FMN2: variants seen among roughly 807,000 people sequenced by gnomAD.
The protein encoded by FMN2 is formin 2.
A neutral mutation model predicts 142.3 loss-of-function variants in FMN2; 51 were observed. The ratio of observed to expected loss-of-function variants is 0.36; its 90% confidence interval spans 0.29 to 0.45. The LOEUF is 0.45. Among genes scored for constraint, FMN2 ranks in the 20% least tolerant of loss-of-function variants. The probability of loss-of-function intolerance (pLI) is 1.00; values close to 1 mark genes in which losing one functional copy is unlikely to be tolerated. For missense variants in FMN2, 1,936 were observed against 2,122.8 expected, an observed-to-expected ratio of 0.91 and a Z score of 1.73; for synonymous variants, 882 against 869.8, an observed-to-expected ratio of 1.01 and a Z score of -0.25.
At chr1:240,349,210 C>T (rs188054390) in intron 13 of FMN2, among the ~76,000 whole-genome samples, 2 of 152,304 alleles carry the variant, frequency 1.3e-5, no homozygotes. Context: ...CATTGATCTG[C>T]TTTAAGTGGC....
chr1:240,320,498 T>A lies in FMN2; in HGVS notation c.4216-8578T>A, dbSNP rs146990853. Reference sequence around the variant, plus strand: ...CTTCCTCACATATCTGAAAGAGATTTTGAAATGACCCTAGAGAGTGGACCT... The same window carrying A: ...CTTCCTCACATATCTGAAAGAGATTATGAAATGACCCTAGAGAGTGGACCT... On this transcript the variant is annotated intron_variant, in intron 8 of 17. Coordinates refer to ENST00000319653, the MANE Select transcript of FMN2 (RefSeq NM_020066.5). Among the ~76,000 whole-genome samples, 994 of 152,274 alleles carry A rather than the reference T, an allele frequency of 6.5e-3. 11 individuals are homozygous for A. Among genetic ancestry groups the A allele is most frequent in the African/African-American group, 0.023 (941 of 41,558 alleles).
intron 14 of FMN2, among the ~76,000 whole-genome samples, chr1:240,363,034 T>C (rs190596036): frequency 6.6e-6 from 1 of 152,344 alleles, no homozygotes; most frequent in East Asian, 1.9e-4. Context: ...AAACCTCAGC[T>C]CTTAAATATA....
chr1:240,214,378 C>T (rs909592079), intron 6 of FMN2, among the ~76,000 whole-genome samples: 10 of 151,596 alleles, frequency 6.6e-5, no homozygotes, highest in East Asian at 3.9e-4. Context: ...GTAGAAACCC[C>T]GTCTCTACTA....
intron 2 of FMN2, among the ~76,000 whole-genome samples, chr1:240,155,519 G>A (rs1028797114): frequency 2.0e-5 from 3 of 152,104 alleles, no homozygotes; most frequent in African/African-American, 4.8e-5. Context: ...GGCCTCAAGT[G>A]TTCCTCCTGC....
At chr1:240,383,386 G>A (rs1309606142) in intron 14 of FMN2, among the ~76,000 whole-genome samples, 1 of 152,092 alleles carries the variant, frequency 6.6e-6, no homozygotes, top group Non-Finnish European at 1.5e-5. Flanking sequence ...TTAGTATCAA[G>A]AATCCACAAG....
At chr1:240,277,071 C>A in intron 7 of FMN2, among the ~76,000 whole-genome samples, 1 of 152,112 alleles carries the variant, frequency 6.6e-6, no homozygotes, top group African/African-American at 2.4e-5. Flanking sequence ...GGAACATAAA[C>A]AATAGCGGCT....
chr1:240,454,196 T>TC (rs1676152567), intron 16 of FMN2, among the ~76,000 whole-genome samples: 1 of 152,188 alleles, frequency 6.6e-6, no homozygotes, highest in Non-Finnish European at 1.5e-5. Context: ...GTTTTCTCTT[T>TC]TTTGTCTCCA....
At chr1:240,383,867 A>G (rs1226035444) in intron 14 of FMN2, among the ~76,000 whole-genome samples, 2 of 150,246 alleles carry the variant, frequency 1.3e-5, no homozygotes, top group African/African-American at 2.5e-5. Flanking sequence ...ATCACAACAG[A>G]TGACTGGAGA....
chr1:240,200,344 A>G (rs1050297182), intron 4 of FMN2, among the ~76,000 whole-genome samples: 1 of 152,184 alleles, frequency 6.6e-6, no homozygotes, highest in African/African-American at 2.4e-5. Context: ...AAAGAAAACA[A>G]CCTATATTAG....
In FMN2 at chr1:240,473,931, C is replaced by T. The variant is rs778910357; in HGVS notation, c.5143-197C>T. ...TTTTTTTTTTCTCAAAAGTATTTGGCGATTTGTCTTGATAAAAGTGCTCAA... is the reference window on the plus strand; with the variant it reads ...TTTTTTTTTTCTCAAAAGTATTTGGTGATTTGTCTTGATAAAAGTGCTCAA... On this transcript the variant is annotated intron_variant, in intron 17 of 17. Coordinates refer to ENST00000319653, the MANE Select transcript of FMN2 (RefSeq NM_020066.5). The surrounding 1 kb of genome is among the most constrained non-coding windows in gnomAD (Gnocchi z 4.3). Among the ~76,000 whole-genome samples the T allele has an allele frequency of 1.0e-4, 15 of 149,370 alleles. No homozygotes were observed. The highest frequency in any genetic ancestry group is 6.5e-4 in the South Asian group (3 of 4,622).
chr1:240,102,996 C>G (rs1661466229), intron 1 of FMN2, among the ~76,000 whole-genome samples: 1 of 151,904 alleles, frequency 6.6e-6, no homozygotes, highest in Admixed American at 6.6e-5. Context: ...TCCCGAGTAG[C>G]TGGGACTATA....
chr1:240,186,826 A>T (rs182681792), intron 3 of FMN2, among the ~76,000 whole-genome samples: 1 of 152,336 alleles, frequency 6.6e-6, no homozygotes, highest in Admixed American at 6.5e-5. Context: ...GTGGAGACAG[A>T]TTCTCATCTG....
chr1:240,235,152 C>T (rs1002168243), intron 6 of FMN2, among the ~76,000 whole-genome samples: 8 of 152,036 alleles, frequency 5.3e-5, no homozygotes, highest in Non-Finnish European at 1.0e-4. Flanking sequence ...GCTTCTAATT[C>T]AAAAATGAGA....
intron 14 of FMN2, among the ~76,000 whole-genome samples, chr1:240,371,026 C>T (rs994369637): frequency 3.3e-5 from 5 of 152,202 alleles, no homozygotes; most frequent in Non-Finnish European, 7.3e-5. Flanking sequence ...GCAACCTCCG[C>T]CTCCTGGGTT....
chr1:240,239,022 A>ATACAATGATCTGAGTGATAGT (rs1667801919), intron 6 of FMN2, among the ~76,000 whole-genome samples: 1 of 152,184 alleles, frequency 6.6e-6, no homozygotes, highest in Non-Finnish European at 1.5e-5. Flanking sequence ...ATAATGTCCT[A>ATACAATGATCTGAGTGATAGT]TACAATGATC....
intron 13 of FMN2, among the ~76,000 whole-genome samples, chr1:240,339,238 A>G (rs1671666932): frequency 2.0e-5 from 3 of 152,160 alleles, no homozygotes; most frequent in Admixed American, 2.0e-4. Flanking sequence ...AGATCAACAG[A>G]TCACAAAAAG....
intron 3 of FMN2, among the ~76,000 whole-genome samples, chr1:240,187,288 A>G (rs1011642505): frequency 1.0e-3 from 144 of 137,360 alleles, no homozygotes; most frequent in Non-Finnish European, 1.2e-3. Flanking sequence ...AAAAAAAAAA[A>G]AAAGAAAAGA....
chr1:240,396,536 T>C (rs1673784422), intron 15 of FMN2, among the ~76,000 whole-genome samples: 1 of 152,046 alleles, frequency 6.6e-6, no homozygotes, highest in Non-Finnish European at 1.5e-5. Context: ...CACTGAGGCT[T>C]AGAATCTAAA....
intron 14 of FMN2, among the ~76,000 whole-genome samples, chr1:240,391,575 C>CT (rs1339412804): frequency 5.3e-5 from 8 of 151,458 alleles, no homozygotes; most frequent in East Asian, 1.9e-4. Context: ...TTACATTTTA[C>CT]TTTTTTTTTG....
Sources: gnomAD v4.1 joint callset for allele counts (sites outside exome capture counted in the v4.1 genomes callset) on GRCh38, gnomAD v4.1.1 for gene constraint, Gnocchi (gnomAD v3.1) non-coding constraint, MANE v1.5 for transcripts, NCBI Gene and HGNC (gene_info 2026-07-23, HGNC 2026-07-21) for gene names.